The following MBNL3 variants were observed in gnomAD, a reference collection of about 807,000 sequenced individuals.
MBNL3 encodes muscleblind like splicing regulator 3.
In MBNL3, 6 loss-of-function variants were observed where a neutral mutation model predicts 24.5. The observed-to-expected ratio is 0.25, with a 90% CI of 0.13 to 0.48. The LOEUF (loss-of-function observed/expected upper bound fraction) is 0.48. Among genes scored for constraint, MBNL3 ranks in the 20% least tolerant of loss-of-function variants. The pLI is 0.99. For missense variants in MBNL3, 230 were observed against 293.5 expected (o/e 0.78, Z 1.58); for synonymous variants, 100 against 101.7 (o/e 0.98, Z 0.10).
At chrX:132,463,565 G>A (rs961408406) in intron 1 of MBNL3, among the ~76,000 whole-genome samples, 20 of 111,966 alleles carry the variant, frequency 1.8e-4, no homozygotes, top group African/African-American at 6.5e-4. Context: ...TATTCTCATT[G>A]TTATCCACAC....
chrX:132,394,372 A>G (rs373934481), intron 3 of MBNL3, among the ~76,000 whole-genome samples: 13 of 112,353 alleles, frequency 1.2e-4, no homozygotes, highest in African/African-American at 3.9e-4. Flanking sequence ...CCACCCAGGC[A>G]TGCTTCCGCA....
At chrX:132,469,673 ATATC>A (rs1448065043) in intron 1 of MBNL3, among the ~76,000 whole-genome samples, 2 of 112,512 alleles carry the variant, frequency 1.8e-5, no homozygotes, top group Non-Finnish European at 3.8e-5. Context: ...AACATATATC[ATATC>A]TAAGTCAGTA....
intron 1 of MBNL3, among the ~76,000 whole-genome samples, chrX:132,481,669 T>G (rs1056635688): frequency 1.8e-5 from 2 of 112,017 alleles, no homozygotes; most frequent in African/African-American, 6.5e-5. Context: ...ATCACACTCT[T>G]CACAAAATAT....
chrX:132,413,530 C>T (rs1459505292), intron 2 of MBNL3: 1 of 1,163,676 alleles, frequency 8.6e-7, no homozygotes, highest in Admixed American at 2.6e-5. Flanking sequence ...CAGGCTCTCC[C>T]AGGCCTTCAT....
intron 2 of MBNL3, among the ~76,000 whole-genome samples, chrX:132,420,336 G>A: frequency 9.0e-6 from 1 of 111,492 alleles, no homozygotes; most frequent in Non-Finnish European, 1.9e-5. Flanking sequence ...AGTCAGCGGC[G>A]GGTCTGCGAC....
intron 1 of MBNL3, among the ~76,000 whole-genome samples, chrX:132,477,951 A>G (rs1233190555): frequency 1.8e-5 from 2 of 111,998 alleles, no homozygotes; most frequent in Non-Finnish European, 3.8e-5. Context: ...ATAGACACCC[A>G]CAGGTTTTTT....
intron 1 of MBNL3, among the ~76,000 whole-genome samples, chrX:132,466,960 G>A (rs1186953225): frequency 9.0e-6 from 1 of 111,538 alleles, no homozygotes; most frequent in African/African-American, 3.3e-5. Context: ...CAGGGAGTGA[G>A]CATTGGAAAG....
intron 1 of MBNL3, among the ~76,000 whole-genome samples, chrX:132,458,498 C>T (rs1249644401): frequency 1.8e-5 from 2 of 110,946 alleles, no homozygotes; most frequent in East Asian, 5.6e-4. Context: ...GGCAGTCCTT[C>T]TGGCGTGGGC....
chrX:132,453,134 C>A (rs990189868), intron 1 of MBNL3, among the ~76,000 whole-genome samples: 8 of 111,329 alleles, frequency 7.2e-5, no homozygotes, highest in Non-Finnish European at 9.4e-5. Flanking sequence ...TAGGTTTATA[C>A]TGGGGAAGAG....
chrX:132,413,447 A>G, intron 2 of MBNL3: 1 of 1,102,205 alleles, frequency 9.1e-7, no homozygotes, highest in Non-Finnish European at 1.2e-6. Flanking sequence ...GAGCTCAATA[A>G]AGGCAAATCC....
rs180833508 is a variant in MBNL3 at position 132,381,276 on chromosome X, C to T, written c.1053+902G>A. ...CAATGTCTATGAATGAAAATATTTACGAAAGCCTTTTAGAAGTGCAATTGT... is the reference window on the plus strand; with the variant it reads ...CAATGTCTATGAATGAAAATATTTATGAAAGCCTTTTAGAAGTGCAATTGT... On this transcript the variant is annotated intron_variant, in intron 8 of 8. Coordinates refer to ENST00000370853, the MANE Select transcript of MBNL3 (RefSeq NM_001386889.1). 13 of 521,911 alleles carry T rather than the reference C, an allele frequency of 2.5e-5. No homozygotes were observed. The East Asian group carries it at 3.9e-4, about 16-fold the overall frequency. The allele number at this position is 521,911 out of a possible 1,213,427, so 43.0% of individuals were successfully genotyped here. A position where few individuals can be genotyped will look rare whatever the true frequency, so the allele number is the denominator to read the frequency against.
intron 3 of MBNL3, among the ~76,000 whole-genome samples, chrX:132,395,051 C>CTGTT (rs890677593): frequency 1.8e-5 from 2 of 111,839 alleles, no homozygotes; most frequent in Non-Finnish European, 3.8e-5. Context: ...TTCTATAACA[C>CTGTT]TGTTTATTGA....
intron 3 of MBNL3, among the ~76,000 whole-genome samples, chrX:132,400,915 G>T (rs1424621225): frequency 8.9e-6 from 1 of 111,851 alleles, no homozygotes; most frequent in Non-Finnish European, 1.9e-5. Context: ...ATTACATAAT[G>T]CTTGTCTTTC....
intron 3 of MBNL3, among the ~76,000 whole-genome samples, chrX:132,403,218 T>C (rs893380905): frequency 5.4e-5 from 6 of 111,868 alleles, no homozygotes; most frequent in Non-Finnish European, 9.4e-5. Context: ...TTAAAATTGC[T>C]CACACTAGCT....
chrX:132,393,290 C>T (rs1026458782), intron 3 of MBNL3, among the ~76,000 whole-genome samples: 2 of 108,499 alleles, frequency 1.8e-5, no homozygotes, highest in African/African-American at 6.7e-5. Context: ...AAAGAAGGCA[C>T]TAGAAATGCT....
chrX:132,428,586 A>G (rs1337253309), intron 2 of MBNL3, among the ~76,000 whole-genome samples: 1 of 111,446 alleles, frequency 9.0e-6, no homozygotes, highest in African/African-American at 3.3e-5. Flanking sequence ...AAGAAAAAAA[A>G]GAGTATTTAC....
chrX:132,459,034 C>G (rs1267717263), intron 1 of MBNL3, among the ~76,000 whole-genome samples: 1 of 104,602 alleles, frequency 9.6e-6, no homozygotes, highest in African/African-American at 3.5e-5. Flanking sequence ...CCCCTAGAGT[C>G]AATGACTGCA....
Position 132,371,145 on chromosome X carries a change from C to T in MBNL3, c.*8521G>A, listed in dbSNP as rs766352692. On this transcript the variant is annotated 3_prime_UTR_variant, in exon 9 of 9. Transcript: ENST00000370853. ...TATCAAGAAATGCCATCATGGGAAC[C>T]ACCTTAGAAATAGTAAAACAGGGCA... 48 of 111,432 alleles carry T rather than the reference C, an allele frequency of 4.3e-4. No individual in the cohort carries two copies. Among genetic ancestry groups the T allele is most frequent in the African/African-American group, 1.5e-3 (45 of 30,673 alleles). 9.2% of individuals were successfully genotyped at this position (111,432 alleles called of 1,213,427 possible).
chrX:132,489,218 C>G (rs763301320), upstream of MBNL3, among the ~76,000 whole-genome samples: 107 of 112,411 alleles, frequency 9.5e-4, no homozygotes, highest in Middle Eastern at 0.014. Flanking sequence ...CCCTTCGGCC[C>G]CCTTGACCCC....
Sources: gnomAD v4.1 joint callset for allele counts (sites outside exome capture counted in the v4.1 genomes callset) on GRCh38, gnomAD v4.1.1 for gene constraint, MANE v1.5 for transcripts, NCBI Gene and HGNC (gene_info 2026-07-23, HGNC 2026-07-21) for gene names.